MAP3K5: variants seen among roughly 807,000 people sequenced by gnomAD.
MAP3K5 encodes the protein ASK-1.
A neutral mutation model predicts 158.7 loss-of-function variants in MAP3K5; 56 were observed. That is an observed-to-expected ratio of 0.35 (90% CI 0.28 to 0.44). MAP3K5 has a LOEUF of 0.44. Ranked by LOEUF, MAP3K5 falls within the 20% of genes least tolerant of loss-of-function variation. MAP3K5 has a pLI of 1.00. For synonymous variants in MAP3K5, 579 were observed against 601.7 expected (o/e 0.96, Z 0.55); for missense variants, 1,294 against 1,674.8 (o/e 0.77, Z 3.97).
At chr6:136,668,665 C>A (rs1056205573) in intron 8 of MAP3K5, among the ~76,000 whole-genome samples, 2 of 152,032 alleles carry the variant, frequency 1.3e-5, no homozygotes, top group Admixed American at 1.3e-4. Flanking sequence ...CACTAAGATG[C>A]CCTAACTTCT....
intron 18 of MAP3K5, among the ~76,000 whole-genome samples, chr6:136,607,985 T>C (rs1023025647): frequency 5.3e-5 from 8 of 152,154 alleles, no homozygotes; most frequent in African/African-American, 1.9e-4. Flanking sequence ...AGGGTGTTCA[T>C]GGCTGGTCTC....
chr6:136,783,515 G>C (rs1046715462), intron 1 of MAP3K5, among the ~76,000 whole-genome samples: 1 of 152,118 alleles, frequency 6.6e-6, no homozygotes, highest in Non-Finnish European at 1.5e-5. Context: ...TTTTCCCAAA[G>C]CTGTGGGTTC....
At chr6:136,782,283 AT>A (rs750432841) in intron 1 of MAP3K5, among the ~76,000 whole-genome samples, 42 of 148,498 alleles carry the variant, frequency 2.8e-4, no homozygotes, top group African/African-American at 7.8e-4. Flanking sequence ...CCATCTCAAA[AT>A]AAAAAAAAAA....
Position 136,698,483 on chromosome 6 carries a change from C to A in MAP3K5, c.806+6G>T, listed in dbSNP as rs1453810380. On this transcript the variant is annotated splice_donor_region_variant and intron_variant, in intron 4 of 29. Transcript: ENST00000359015. Reference sequence around the variant, plus strand: ...TCACCAAATGGCATTATTAATTAAACTTTACCTAGAACTTGCTTGTGCCAC... The same window carrying A: ...TCACCAAATGGCATTATTAATTAAAATTTACCTAGAACTTGCTTGTGCCAC... 9 of 1,611,340 alleles carry A rather than the reference C, an allele frequency of 5.6e-6. 1 individual carries two copies. In the African/African-American group the frequency reaches 9.4e-5, roughly 17 times the overall value.
chr6:136,689,721 G>A (rs1006568539), intron 7 of MAP3K5, among the ~76,000 whole-genome samples: 10 of 152,244 alleles, frequency 6.6e-5, no homozygotes, highest in Non-Finnish European at 7.4e-5. Context: ...GATGTAACAA[G>A]AAGGCCCTTG....
At chr6:136,581,321 T>C (rs930984471) in intron 24 of MAP3K5, among the ~76,000 whole-genome samples, 2 of 152,224 alleles carry the variant, frequency 1.3e-5, no homozygotes, top group African/African-American at 4.8e-5. Context: ...TTGAATTATA[T>C]TCCATTGTAT....
intron 7 of MAP3K5, among the ~76,000 whole-genome samples, chr6:136,692,798 TACAA>T (rs1443203601): frequency 1.3e-5 from 2 of 151,994 alleles, no homozygotes; most frequent in East Asian, 1.9e-4. Context: ...CTACCAAAAA[TACAA>T]ACAATTAGCC....
chr6:136,661,332 G>A (rs1336786165), intron 8 of MAP3K5, among the ~76,000 whole-genome samples: 2 of 152,040 alleles, frequency 1.3e-5, no homozygotes, highest in Non-Finnish European at 2.9e-5. Context: ...GCTGTTTCAC[G>A]AGATGAAAAA....
chr6:136,591,266 C>T (rs1176940311), intron 23 of MAP3K5, among the ~76,000 whole-genome samples: 3 of 152,278 alleles, frequency 2.0e-5, no homozygotes, highest in Middle Eastern at 3.4e-3. Context: ...TAGTTTCCTC[C>T]GCATCCCAAG....
At chr6:136,761,470 C>A (rs1783756214) in intron 1 of MAP3K5, among the ~76,000 whole-genome samples, 2 of 152,066 alleles carry the variant, frequency 1.3e-5, no homozygotes, top group Non-Finnish European at 2.9e-5. Context: ...GGGAAGAAGC[C>A]AGGAGCCTGG....
At chr6:136,788,152 T>C (rs977005309) in intron 1 of MAP3K5, among the ~76,000 whole-genome samples, 1 of 152,160 alleles carries the variant, frequency 6.6e-6, no homozygotes, top group Admixed American at 6.5e-5. Flanking sequence ...CCTAACACCA[T>C]CTGATCTTCA....
intron 9 of MAP3K5, among the ~76,000 whole-genome samples, chr6:136,656,995 G>A (rs865792342): frequency 2.0e-5 from 3 of 152,334 alleles, no homozygotes; most frequent in Middle Eastern, 6.8e-3. Context: ...CTATTTTAGA[G>A]AGGAGGAAAC....
chr6:136,561,462 G>A, intron 28 of MAP3K5, 71 bp downstream of exon 28: 1 of 1,148,712 alleles, frequency 8.7e-7, no homozygotes, highest in Non-Finnish European at 1.3e-6. Flanking sequence ...CCCTGTGCCT[G>A]TCACATAGCA....
chr6:136,775,858 T>C (rs1022705325), intron 1 of MAP3K5, among the ~76,000 whole-genome samples: 1 of 152,236 alleles, frequency 6.6e-6, no homozygotes, highest in African/African-American at 2.4e-5. Context: ...CTGGGATCAC[T>C]TGAAGATGAG....
intron 18 of MAP3K5, among the ~76,000 whole-genome samples, chr6:136,605,726 T>A (rs1458114426): frequency 6.6e-6 from 1 of 152,236 alleles, no homozygotes; most frequent in Non-Finnish European, 1.5e-5. Context: ...TTTCTTGAAG[T>A]GCATGAAGAC....
Position 136,605,254 on chromosome 6 carries a change from T to G in MAP3K5, c.2634A>C (p.Lys878Asn). 6.2e-7 allele frequency: 1 copy of G among 1,613,786 alleles called. No homozygotes were observed. Among genetic ancestry groups the G allele is most frequent in the East Asian group, 2.2e-5 (1 of 44,870 alleles). The part of the protein sequence containing the change: ...GCTIIEMATG[K>N]PPFYELGEPQ... ...GTTCTCCCAGTTCATAAAATGGGGGTTTTCCTGTGGCCATTTCAATGATTG... is the reference window on the plus strand; with the variant it reads ...GTTCTCCCAGTTCATAAAATGGGGGGTTTCCTGTGGCCATTTCAATGATTG... The change falls in exon 19 of 30, where the codon AAA becomes AAC. Residue 878 changes from lysine to asparagine, a missense_variant. By Grantham distance (94) the Lys-to-Asn change is moderately conservative (BLOSUM62 0). Around this residue, in one of 5 missense-constraint regions of MAP3K5, gnomAD observed 362 missense variants for 463.2 expected, o/e 0.78. Coordinates refer to ENST00000359015, the MANE Select transcript of MAP3K5 (RefSeq NM_005923.4).
chr6:136,748,544 C>T (rs895085892), intron 1 of MAP3K5, among the ~76,000 whole-genome samples: 3 of 151,996 alleles, frequency 2.0e-5, no homozygotes, highest in Non-Finnish European at 4.4e-5. Flanking sequence ...GAGTGTTCTT[C>T]GCAAAACATA....
intron 4 of MAP3K5, among the ~76,000 whole-genome samples, chr6:136,697,612 A>T (rs1029757999): frequency 6.6e-6 from 1 of 151,732 alleles, no homozygotes. Context: ...AAAGAATTAA[A>T]GGTAAAGGTA....
At chr6:136,694,336 A>T (rs763417432) in intron 6 of MAP3K5, 26 bp from the exon 7 acceptor site, 3 of 1,581,114 alleles carry the variant, frequency 1.9e-6, no homozygotes, top group Non-Finnish European at 2.6e-6. Context: ...TTGTTGTTTC[A>T]ATATACATTA....
Sources: gnomAD v4.1 joint callset for allele counts (sites outside exome capture counted in the v4.1 genomes callset) on GRCh38, gnomAD v4.1.1 for gene constraint, gnomAD v4.1.1 regional missense constraint, MANE v1.5 for transcripts, NCBI Gene and HGNC (gene_info 2026-07-23, HGNC 2026-07-21) for gene names.